Variants in EHBP1L1 observed in about 807,000 individuals in gnomAD.
EHBP1L1 encodes the protein EH domain binding protein 1 like 1.
EHBP1L1 carries 122 observed loss-of-function variants against 151.1 expected under a neutral mutation model. The ratio of observed to expected loss-of-function variants is 0.81; its 90% CI spans 0.70 to 0.94. EHBP1L1 has a LOEUF of 0.94. Ranked by LOEUF, EHBP1L1 falls within the 40% of genes least tolerant of loss-of-function variation. The probability of loss-of-function intolerance (pLI) is 0.00; values close to 1 mark genes in which losing one functional copy is unlikely to be tolerated. For synonymous variants in EHBP1L1, 878 were observed against 810.1 expected, an observed-to-expected ratio of 1.08 and a Z score of -1.42; for missense variants, 1,941 against 1,959.8, an observed-to-expected ratio of 0.99 and a Z score of 0.18.
At chr11:65,580,968 G>T in intron 6 of EHBP1L1, 90 bp from the exon 7 acceptor site, 1 of 1,508,584 alleles carries the variant, frequency 6.6e-7, no homozygotes, top group South Asian at 1.3e-5. Flanking sequence ...TCCCAGGTAG[G>T]ACCTGCACTG....
At chr11:65,580,962 A>G in intron 6 of EHBP1L1, 96 bp from the exon 7 acceptor site, 1 of 1,477,590 alleles carries the variant, frequency 6.8e-7, no homozygotes, top group Non-Finnish European at 9.0e-7. Flanking sequence ...GGCGTTTCCC[A>G]GGTAGGACCT....
intron 1 of EHBP1L1, among the ~76,000 whole-genome samples, chr11:65,577,428 G>A (rs1438583685): frequency 6.6e-6 from 1 of 152,240 alleles, no homozygotes; most frequent in East Asian, 1.9e-4. Context: ...GAGCTTGGGG[G>A]CTGGCACTTG....
In EHBP1L1 at chr11:65,592,391, G is replaced by C. The variant is rs1047747873; in HGVS notation, c.*89G>C. ...GCGCTGCGGACGACCCGGCCGTCCC[G>C]GAGGCCGCGCGCGTGTCCGCTAGGG... On this transcript the variant is annotated 3_prime_UTR_variant, in exon 19 of 19. Coordinates refer to ENST00000309295, the MANE Select transcript of EHBP1L1 (RefSeq NM_001099409.3). The C allele has an allele frequency of 1.9e-6, 2 of 1,031,854 alleles. No homozygotes were observed. Among genetic ancestry groups the C allele is most frequent in the African/African-American group, 3.5e-5 (2 of 57,828 alleles). 63.9% of individuals were successfully genotyped at this position (1,031,854 alleles called of 1,614,324 possible).
At chr11:65,590,408 A>C in intron 15 of EHBP1L1, 85 bp from the exon 16 acceptor site, 4 of 1,534,452 alleles carry the variant, frequency 2.6e-6, no homozygotes, top group Non-Finnish European at 3.5e-6. Context: ...GTCACAAGGG[A>C]GCAAACCCCC....
chr11:65,584,894 A>C, intron 11 of EHBP1L1, 65 bp from the exon 12 acceptor site: 1 of 1,517,566 alleles, frequency 6.6e-7, no homozygotes, highest in Non-Finnish European at 8.8e-7. Flanking sequence ...GTGGGGCGGC[A>C]CTGCAGCGTT....
intron 15 of EHBP1L1, 54 bp from the exon 16 acceptor site, chr11:65,590,439 C>T (rs1396493578): frequency 6.3e-7 from 1 of 1,592,076 alleles, no homozygotes; most frequent in Admixed American, 1.7e-5. Context: ...CCCAGCTGCC[C>T]TACCCTGACA....
At chr11:65,591,475 C>T (rs945463979) in intron 16 of EHBP1L1, 5 of 467,456 alleles carry the variant, frequency 1.1e-5, no homozygotes, top group African/African-American at 5.9e-5. Context: ...ACAGCTTTGC[C>T]TCCCTTTTGC....
intron 3 of EHBP1L1, 83 bp from the exon 4 acceptor site, chr11:65,579,853 C>T: frequency 6.9e-7 from 1 of 1,451,266 alleles, no homozygotes; most frequent in Non-Finnish European, 9.5e-7. Flanking sequence ...CCACCACTAC[C>T]AAGCACCTCC....
intron 16 of EHBP1L1, chr11:65,591,167 C>T (rs1274194227): frequency 6.2e-6 from 1 of 160,922 alleles, no homozygotes; most frequent in East Asian, 1.8e-4. Context: ...GGGCAGATCA[C>T]AAGGTCAGGA....
intron 12 of EHBP1L1, among the ~76,000 whole-genome samples, chr11:65,587,807 A>T (rs1327630201): frequency 2.0e-5 from 3 of 152,220 alleles, no homozygotes; most frequent in African/African-American, 7.2e-5. Flanking sequence ...GCCCTAGACC[A>T]GACCCTTTAG....
At position 65,582,340 on chromosome 11, in the gene EHBP1L1, T is replaced by G. The variant is rs774895615; in HGVS notation, c.1668T>G (p.Gly556=). The change falls in exon 9 of 19, where the codon GGT becomes GGG. Residue 556 remains glycine, a synonymous_variant. Coordinates refer to ENST00000309295, the MANE Select transcript of EHBP1L1 (RefSeq NM_001099409.3). ...LSTAQGAISR[G]LGGWEAEAGG... ...CTGCCCAGGGGGCAATATCCAGGGG[T>G]CTGGGAGGCTGGGAGGCAGAAGCTG... 6 of 1,568,088 alleles carry G rather than the reference T, an allele frequency of 3.8e-6. No individual in the cohort carries two copies. The highest frequency in any genetic ancestry group is 1.2e-5 in the South Asian group (1 of 83,934).
chr11:65,581,413 A>C, intron 8 of EHBP1L1, 40 bp downstream of exon 8: 9 of 1,488,496 alleles, frequency 6.0e-6, no homozygotes, highest in Non-Finnish European at 8.0e-6. Flanking sequence ...TTGCCCCCTG[A>C]TAGGAGCTGC....
At position 65,580,448 on chromosome 11, in the gene EHBP1L1, C is replaced by T. The variant is rs1857541690; in HGVS notation, c.603C>T (p.Ala201=). 1 of 1,613,066 alleles carries T rather than the reference C, an allele frequency of 6.2e-7. No homozygotes were observed. Among genetic ancestry groups the T allele is most frequent in the African/African-American group, 1.3e-5 (1 of 74,900 alleles). Residue 201 remains alanine (A), a synonymous_variant, in exon 6 of 19, where the codon GCC becomes GCT. Transcript: ENST00000309295. ...SDEDEAHGPG[A]PEARARVPQP... ...AAGATGAGGCTCATGGCCCAGGAGCCCCGGAGGCCCGGGCTCGAGTCCCCC... is the reference window on the plus strand; with the variant it reads ...AAGATGAGGCTCATGGCCCAGGAGCTCCGGAGGCCCGGGCTCGAGTCCCCC...
At chr11:65,578,454 C>T (rs1321740978) in intron 1 of EHBP1L1, among the ~76,000 whole-genome samples, 3 of 152,224 alleles carry the variant, frequency 2.0e-5, no homozygotes, top group African/African-American at 7.2e-5. Context: ...CCACTCATCT[C>T]TGCCCAGACA....
In EHBP1L1 at chr11:65,576,281, G is replaced by C. The variant is rs1398732540; in HGVS notation, c.-22G>C. The C allele has an allele frequency of 1.9e-6, 3 of 1,563,712 alleles. No individual in the cohort carries two copies. In the South Asian group the frequency reaches 3.5e-5, roughly 18 times the overall value. On this transcript the variant is annotated 5_prime_UTR_variant, in exon 1 of 19. Coordinates refer to ENST00000309295, the MANE Select transcript of EHBP1L1 (RefSeq NM_001099409.3). The stretch of plus-strand genomic sequence containing the variant: ...AGCGGGAGCCCCGGGCCTGAGAAGT[G>C]GGCGGCGGGGTGGCGGGGGCCATGA...
rs1455120069 is a variant in EHBP1L1 at position 65,579,134 on chromosome 11, A to G, written c.161A>G (p.Lys54Arg). ...WTRRNRRICS[K>R]AHSWQPGIQN... Reference sequence around the variant, plus strand: ...CGTCGGAACCGACGCATCTGCTCCAAGGTGGGGAAGGATGGCAACTGGGGA... The same window carrying G: ...CGTCGGAACCGACGCATCTGCTCCAGGGTGGGGAAGGATGGCAACTGGGGA... The change falls in exon 2 of 19, where the codon AAG becomes AGG. Residue 54 changes from lysine (K) to arginine (R), a missense_variant and splice_region_variant. By Grantham distance (26) the Lys-to-Arg change is conservative. Coordinates refer to ENST00000309295, the MANE Select transcript of EHBP1L1 (RefSeq NM_001099409.3). The G allele has an allele frequency of 4.4e-6, 7 of 1,587,634 alleles. No individual in the cohort carries two copies. In the African/African-American group the frequency reaches 9.6e-5, roughly 22 times the overall value.
Position 65,576,094 on chromosome 11 carries a change from C to T in EHBP1L1, c.-209C>T. On this transcript the variant is annotated 5_prime_UTR_variant, in exon 1 of 19. Coordinates refer to ENST00000309295, the MANE Select transcript of EHBP1L1 (RefSeq NM_001099409.3). ...CCAGCTCCGCGCTCGCCACCCGACGCGCCCCAGGCGACCCCGCAGACTCAG... is the reference window on the plus strand; with the variant it reads ...CCAGCTCCGCGCTCGCCACCCGACGTGCCCCAGGCGACCCCGCAGACTCAG... 1 of 340,502 alleles carries T rather than the reference C, an allele frequency of 2.9e-6. No individual in the cohort carries two copies. Among genetic ancestry groups the T allele is most frequent in the Non-Finnish European group, 5.2e-6 (1 of 190,862 alleles). 21.1% of individuals were successfully genotyped at this position (340,502 alleles called of 1,614,324 possible).
chr11:65,581,980 C>A lies in EHBP1L1; in HGVS notation c.1308C>A (p.Asp436Glu), dbSNP rs187871743. The A allele has an allele frequency of 1.1e-5, 18 of 1,613,660 alleles. No homozygotes were observed. The highest frequency in any genetic ancestry group is 1.2e-5 in the Non-Finnish European group (14 of 1,179,864). ...AEQRSKVRHV[D>E]TKGPEATGVM... is the part of the protein sequence containing the mutation. ...AGAGGTCAAAGGTGAGACATGTGGACACTAAGGGACCAGAGGCGACAGGGG... is the reference window on the plus strand; with the variant it reads ...AGAGGTCAAAGGTGAGACATGTGGAAACTAAGGGACCAGAGGCGACAGGGG... Residue 436 changes from aspartate (D) to glutamate (E), a missense_variant, in exon 9 of 19, where the codon GAC becomes GAA. Asp to Glu is a conservative substitution (Grantham distance 45, BLOSUM62 2). Transcript: ENST00000309295.
chr11:65,591,725 C>G, intron 16 of EHBP1L1, 75 bp from the exon 17 acceptor site: 1 of 1,245,560 alleles, frequency 8.0e-7, no homozygotes, highest in Non-Finnish European at 1.1e-6. Flanking sequence ...GTGGCCAGAG[C>G]CCTGGGCACT....
Sources: allele counts gnomAD v4.1 joint callset (sites outside exome capture counted in the v4.1 genomes callset), GRCh38; gene constraint gnomAD v4.1.1; transcripts MANE v1.5; gene names NCBI Gene and HGNC (gene_info 2026-07-23, HGNC 2026-07-21).